TP73: variants seen among roughly 807,000 people sequenced by gnomAD.
TP73 encodes p53-like transcription factor.
TP73 carries 25 observed loss-of-function variants against 62.5 expected under a neutral mutation model. The observed-to-expected ratio is 0.40, with a 90% confidence interval of 0.29 to 0.56. The LOEUF (loss-of-function observed/expected upper bound fraction) is 0.56, where lower values mean the gene tolerates loss of function less well. Ranked by LOEUF, TP73 falls within the 20% of genes least tolerant of loss-of-function variation. The probability of loss-of-function intolerance (pLI) is 0.46; values close to 1 mark genes in which losing one functional copy is unlikely to be tolerated. For synonymous variants in TP73, 423 were observed against 377.5 expected, an observed-to-expected ratio of 1.12 and a Z score of -1.40; for missense variants, 754 against 913.3, an observed-to-expected ratio of 0.83 and a Z score of 2.25.
intron 4 of TP73, chr1:3,712,357 G>A (rs982153418): frequency 2.0e-5 from 3 of 152,212 alleles, no homozygotes; most frequent in African/African-American, 7.2e-5. Context: ...TGTGGTCAGC[G>A]CCTCGGGGCT....
rs1357028722 is a variant in TP73 at position 3,670,352 on chromosome 1, T to C, written c.-33-11981T>C. ...CAAGAGCCCCATGTCCAGGTGGGGATGTACAGGAGCCCCTTAGAAGTGGGG... is the reference window on the plus strand; with the variant it reads ...CAAGAGCCCCATGTCCAGGTGGGGACGTACAGGAGCCCCTTAGAAGTGGGG... On this transcript the variant is annotated intron_variant, in intron 1 of 13. Transcript: ENST00000378295. This position sits in a 1 kb window ranked among gnomAD's most constrained non-coding sequence, Gnocchi z 5.9. Among the ~76,000 whole-genome samples the C allele has an allele frequency of 6.6e-6, 1 of 152,060 alleles. No homozygotes were observed. The highest frequency in any genetic ancestry group is 1.5e-5 in the Non-Finnish European group (1 of 68,006).
chr1:3,697,867 C>A (rs1638806016), intron 3 of TP73, among the ~76,000 whole-genome samples: 1 of 152,168 alleles, frequency 6.6e-6, no homozygotes. Context: ...CCTCGATGGC[C>A]CCCCACAGCC....
At chr1:3,675,414 T>C (rs1445844956) in intron 1 of TP73, among the ~76,000 whole-genome samples, 1 of 152,170 alleles carries the variant, frequency 6.6e-6, no homozygotes, top group Non-Finnish European at 1.5e-5. Flanking sequence ...CATTGGTGGT[T>C]TGGGAACCAC....
At chr1:3,719,890 TTG>T (rs5772122) in intron 4 of TP73, among the ~76,000 whole-genome samples, 30,334 of 131,834 alleles carry the variant, frequency 0.23, 3,644 homozygotes, top group Non-Finnish European at 0.29. Flanking sequence ...TTTTTTCTCT[TTG>T]TGTGTGTGTG....
intron 4 of TP73, among the ~76,000 whole-genome samples, chr1:3,717,222 TAGC>T (rs1373999549): frequency 1.3e-5 from 2 of 152,070 alleles, no homozygotes; most frequent in Non-Finnish European, 2.9e-5. Flanking sequence ...ACAAGGAAAT[TAGC>T]AGCCCCCCGC....
intron 3 of TP73, among the ~76,000 whole-genome samples, chr1:3,693,374 C>T (rs1378748755): frequency 6.6e-6 from 1 of 152,154 alleles, no homozygotes; most frequent in Non-Finnish European, 1.5e-5. Flanking sequence ...CTCCGGAGCC[C>T]GCTGGGCCAG....
At position 3,670,657 on chromosome 1, in the gene TP73, C is replaced by T. The variant is rs1000169032; in HGVS notation, c.-33-11676C>T. On this transcript the variant is annotated intron_variant, in intron 1 of 13. Coordinates refer to ENST00000378295, the MANE Select transcript of TP73 (RefSeq NM_005427.4). This position sits in a 1 kb window ranked among gnomAD's most constrained non-coding sequence, Gnocchi z 5.9. Reference sequence around the variant, plus strand: ...CTCCAGCCTGGGTGACAGAGCGAGACTCTATCTCAAAAAAAATAAAATAAA... The same window carrying T: ...CTCCAGCCTGGGTGACAGAGCGAGATTCTATCTCAAAAAAAATAAAATAAA... 2.6e-5 allele frequency among the ~76,000 whole-genome samples: 4 copies of T among 151,812 alleles called. No individual in the cohort carries two copies. The highest frequency in any genetic ancestry group is 6.6e-5 in the Admixed American group (1 of 15,236).
rs192866394 is a variant in TP73 at position 3,682,397 on chromosome 1, G to T, written c.32G>T (p.Gly11Val). 7.4e-5 allele frequency: 116 copies of T among 1,564,996 alleles called. No homozygotes were observed. The highest frequency in any genetic ancestry group is 9.5e-5 in the Non-Finnish European group (109 of 1,152,266). The change falls in exon 2 of 14, where the codon GGG (glycine) becomes GTG (valine). Residue 11 changes from glycine to valine, a missense_variant. Coordinates refer to ENST00000378295, the MANE Select transcript of TP73 (RefSeq NM_005427.4). MAQSTATSPD[G>V]GTTFEHLWSS... The stretch of plus-strand genomic sequence containing the variant: ...CAGTCCACCGCCACCTCCCCTGATG[G>T]GGGCACCACGTTTGAGCACCTCTGG...
intron 3 of TP73, among the ~76,000 whole-genome samples, chr1:3,685,315 G>T (rs1037512680): frequency 1.3e-5 from 2 of 152,190 alleles, no homozygotes; most frequent in Non-Finnish European, 2.9e-5. Flanking sequence ...GCCCCCGCCT[G>T]CTGGAACGTG....
At chr1:3,693,745 A>C (rs1487979865) in intron 3 of TP73, among the ~76,000 whole-genome samples, 35 of 137,538 alleles carry the variant, frequency 2.5e-4, no homozygotes, top group African/African-American at 5.8e-4. Context: ...CTGCAGCCTC[A>C]GCTCCTCCTC....
chr1:3,682,208 C>A, intron 1 of TP73, 125 bp from the exon 2 acceptor site: 1 of 638,056 alleles, frequency 1.6e-6, no homozygotes, highest in Non-Finnish European at 2.4e-6. Flanking sequence ...GAGGGCAAGG[C>A]GGGGGCACCT....
At chr1:3,703,667 C>T (rs1246600098) in intron 3 of TP73, among the ~76,000 whole-genome samples, 1 of 152,256 alleles carries the variant, frequency 6.6e-6, no homozygotes, top group African/African-American at 2.4e-5. Context: ...GGGTCTGCAT[C>T]CTGCTTCTCC....
At chr1:3,705,536 A>C (rs1639554227) in intron 3 of TP73, among the ~76,000 whole-genome samples, 1 of 152,276 alleles carries the variant, frequency 6.6e-6, no homozygotes, top group South Asian at 2.1e-4. Context: ...CCTCGTGCCA[A>C]GACCCTTGCA....
chr1:3,664,300 C>T lies in TP73; in HGVS notation c.-34+11659C>T, dbSNP rs202128256. ...ACCCACCTGTTTCCCTGCCCAGTAC[C>T]AGCTGGCAGGCCCCCCGTGGCTCAG... On this transcript the variant is annotated intron_variant, in intron 1 of 13. Coordinates refer to ENST00000378295, the MANE Select transcript of TP73 (RefSeq NM_005427.4). 1.4e-4 allele frequency among the ~76,000 whole-genome samples: 21 copies of T among 152,312 alleles called. No homozygotes were observed. The East Asian group carries it at 4.1e-3, about 29-fold the overall frequency.
intron 1 of TP73, among the ~76,000 whole-genome samples, chr1:3,667,336 T>A (rs1200406307): frequency 6.6e-6 from 1 of 152,198 alleles, no homozygotes; most frequent in African/African-American, 2.4e-5. Context: ...TACAGAACTG[T>A]AAGAGAGTAA....
chr1:3,691,955 T>C (rs1275216731), intron 3 of TP73, among the ~76,000 whole-genome samples: 2 of 152,182 alleles, frequency 1.3e-5, no homozygotes, highest in Admixed American at 6.5e-5. Flanking sequence ...TGCACATCAA[T>C]GTGCATGTGG....
At chr1:3,722,885 G>A (rs900262885) in intron 5 of TP73, among the ~76,000 whole-genome samples, 6 of 148,314 alleles carry the variant, frequency 4.0e-5, no homozygotes, top group African/African-American at 1.0e-4. Context: ...CCTGGCACAG[G>A]GTGGGCACCT....
chr1:3,707,915 G>A, intron 4 of TP73, 124 bp downstream of exon 4: 1 of 1,439,396 alleles, frequency 6.9e-7, no homozygotes, highest in African/African-American at 1.4e-5. Context: ...TTCCCACCTG[G>A]CCCGGGCCAG....
chr1:3,731,424 G>A lies in TP73; in HGVS notation c.1485-39G>A, dbSNP rs200744157. Reference sequence around the variant, plus strand: ...GGGGGCTCGCGCAGCCCTGTGCTCGGAAGCTAATGCTGCTTCCTTTCTCAA... The same window carrying A: ...GGGGGCTCGCGCAGCCCTGTGCTCGAAAGCTAATGCTGCTTCCTTTCTCAA... On this transcript the variant is annotated intron_variant, in intron 12 of 13. Coordinates refer to ENST00000378295, the MANE Select transcript of TP73 (RefSeq NM_005427.4). 1.5e-4 allele frequency: 244 copies of A among 1,598,730 alleles called. No homozygotes were observed. The African/African-American group carries it at 3.1e-3, about 20-fold the overall frequency.
Sources: allele counts gnomAD v4.1 joint callset (sites outside exome capture counted in the v4.1 genomes callset), GRCh38; gene constraint gnomAD v4.1.1; non-coding constraint Gnocchi (gnomAD v3.1); transcripts MANE v1.5; gene names NCBI Gene and HGNC (gene_info 2026-07-23, HGNC 2026-07-21).